Variants in CACNA2D3 observed in about 807,000 individuals in gnomAD.
CACNA2D3 encodes the protein voltage-dependent calcium channel subunit alpha-2/delta-3.
Under a neutral mutation model 160.6 loss-of-function variants are expected in CACNA2D3, and 60 were observed. The ratio of observed to expected loss-of-function variants is 0.37; its 90% CI spans 0.30 to 0.46. The LOEUF (loss-of-function observed/expected upper bound fraction) is 0.46. Among genes scored for constraint, CACNA2D3 ranks in the 20% least tolerant of loss-of-function variants. The pLI is 1.00. For missense variants in CACNA2D3, 1,205 were observed against 1,365.0 expected, an observed-to-expected ratio of 0.88 and a Z score of 1.85; for synonymous variants, 558 against 492.9, an observed-to-expected ratio of 1.13 and a Z score of -1.75.
Position 54,839,674 on chromosome 3 carries a change from A to G in CACNA2D3, c.1551+1026A>G, listed in dbSNP as rs112260407. ...GGCTGCCAGGGGCTTCTTTCTTGGCACCACCCTCCCTGATGTGCTGGGGCC... is the reference window on the plus strand; with the variant it reads ...GGCTGCCAGGGGCTTCTTTCTTGGCGCCACCCTCCCTGATGTGCTGGGGCC... On this transcript the variant is annotated intron_variant, in intron 16 of 37. Coordinates refer to ENST00000474759, the MANE Select transcript of CACNA2D3 (RefSeq NM_018398.3). Among the ~76,000 whole-genome samples the G allele has an allele frequency of 4.4e-3, 663 of 152,152 alleles. 5 individuals carry two copies. Among genetic ancestry groups the G allele is most frequent in the African/African-American group, 0.014 (577 of 41,532 alleles).
At chr3:54,406,992 C>T (rs1559473070) in intron 4 of CACNA2D3, among the ~76,000 whole-genome samples, 1 of 152,128 alleles carries the variant, frequency 6.6e-6, no homozygotes, top group Non-Finnish European at 1.5e-5. Flanking sequence ...GAGCTATCAC[C>T]TACTTCTACA....
intron 2 of CACNA2D3, among the ~76,000 whole-genome samples, chr3:54,163,601 C>A (rs1384914924): frequency 6.6e-6 from 1 of 152,168 alleles, no homozygotes; most frequent in African/African-American, 2.4e-5. Flanking sequence ...GATTAATTCT[C>A]TCACAGGGAG....
chr3:54,198,818 G>A (rs1450977526), intron 2 of CACNA2D3, among the ~76,000 whole-genome samples: 4 of 152,254 alleles, frequency 2.6e-5, no homozygotes, highest in Non-Finnish European at 5.9e-5. Flanking sequence ...GAGTGCACAG[G>A]TCTGGTCGGC....
rs567301751 is a variant in CACNA2D3 at position 54,649,889 on chromosome 3, T to C, written c.1167+7648T>C. Among the ~76,000 whole-genome samples, 5 of 152,356 alleles carry C rather than the reference T, an allele frequency of 3.3e-5. No individual in the cohort carries two copies. The South Asian group carries it at 8.3e-4, about 25-fold the overall frequency. ...AATTAACAACCCTTATTTTGCCTTG[T>C]GTTACACTTTAGGGAGTGAGGATTT... On this transcript the variant is annotated intron_variant, in intron 11 of 37. Transcript: ENST00000474759.
At chr3:54,415,084 C>G (rs1699733779) in intron 4 of CACNA2D3, among the ~76,000 whole-genome samples, 1 of 152,114 alleles carries the variant, frequency 6.6e-6, no homozygotes. Flanking sequence ...TTATGCTAGA[C>G]AAACCCTTCA....
chr3:54,683,167 C>T (rs1212556103), intron 11 of CACNA2D3, among the ~76,000 whole-genome samples: 1 of 152,162 alleles, frequency 6.6e-6, no homozygotes, highest in African/African-American at 2.4e-5. Flanking sequence ...CACTCAGCAT[C>T]ACAGTAGTAA....
intron 2 of CACNA2D3, among the ~76,000 whole-genome samples, chr3:54,176,161 A>T (rs996312907): frequency 1.3e-5 from 2 of 152,146 alleles, no homozygotes; most frequent in Non-Finnish European, 2.9e-5. Context: ...GCCCCAACAC[A>T]CTTTTTCACA....
chr3:55,030,174 C>G (rs111860787), intron 35 of CACNA2D3, among the ~76,000 whole-genome samples: 2 of 152,132 alleles, frequency 1.3e-5, no homozygotes, highest in Non-Finnish European at 2.9e-5. Flanking sequence ...TGTCTCAATT[C>G]TACACAGTCA....
rs563646950 is a variant in CACNA2D3 at position 54,443,267 on chromosome 3, C to T, written c.381+56493C>T. ...ATTCAGGCTAGACCAGGAATTCTTC[C>T]ATACAGCCAGCCATTTGCCTTTTCC... On this transcript the variant is annotated intron_variant, in intron 4 of 37. Transcript: ENST00000474759. Among the ~76,000 whole-genome samples, 4 of 146,798 alleles carry T rather than the reference C, an allele frequency of 2.7e-5. No individual in the cohort carries two copies. The South Asian group carries it at 9.4e-4, about 34-fold the overall frequency.
intron 4 of CACNA2D3, among the ~76,000 whole-genome samples, chr3:54,423,039 TA>T (rs142859737): frequency 6.6e-6 from 1 of 152,300 alleles, no homozygotes; most frequent in Non-Finnish European, 1.5e-5. Flanking sequence ...TTGTTAACTT[TA>T]AAAGGCAGAG....
At chr3:54,189,980 G>C (rs1285485228) in intron 2 of CACNA2D3, among the ~76,000 whole-genome samples, 2 of 152,208 alleles carry the variant, frequency 1.3e-5, no homozygotes, top group Non-Finnish European at 2.9e-5. Context: ...AAATGCCACA[G>C]ACTGAGTAGC....
At chr3:54,200,572 A>G (rs1263974757) in intron 2 of CACNA2D3, among the ~76,000 whole-genome samples, 1 of 152,252 alleles carries the variant, frequency 6.6e-6, no homozygotes. Flanking sequence ...CTGTGGTATC[A>G]GTTCCATCTC....
At chr3:54,456,170 G>A (rs191228916) in intron 4 of CACNA2D3, among the ~76,000 whole-genome samples, 22 of 151,966 alleles carry the variant, frequency 1.4e-4, no homozygotes, top group Admixed American at 1.2e-3. Flanking sequence ...GTAATTCTTC[G>A]GTATATTCAT....
At chr3:54,589,107 C>T (rs1044867550) in intron 9 of CACNA2D3, among the ~76,000 whole-genome samples, 2 of 151,840 alleles carry the variant, frequency 1.3e-5, no homozygotes, top group Admixed American at 6.6e-5. Context: ...AATCAATCTA[C>T]CCAATGTTAA....
At chr3:55,014,488 G>A (rs1183441987) in intron 34 of CACNA2D3, among the ~76,000 whole-genome samples, 1 of 152,146 alleles carries the variant, frequency 6.6e-6, no homozygotes, top group South Asian at 2.1e-4. Flanking sequence ...CCAGCACTTT[G>A]GGAAGCCAAG....
chr3:54,518,688 C>T (rs1253915765), intron 5 of CACNA2D3, among the ~76,000 whole-genome samples: 4 of 152,058 alleles, frequency 2.6e-5, no homozygotes, highest in Non-Finnish European at 5.9e-5. Context: ...CTAAGGAGTT[C>T]GATGAAGGAG....
chr3:54,517,084 G>A (rs1418973040), intron 5 of CACNA2D3, among the ~76,000 whole-genome samples: 1 of 152,204 alleles, frequency 6.6e-6, no homozygotes, highest in African/African-American at 2.4e-5. Flanking sequence ...ACGGATTTGG[G>A]TGGTGGTGAT....
intron 5 of CACNA2D3, among the ~76,000 whole-genome samples, chr3:54,541,068 G>C (rs1271676980): frequency 1.3e-5 from 2 of 151,948 alleles, no homozygotes; most frequent in African/African-American, 2.4e-5. Context: ...ACGAGGTCAG[G>C]ATATTGAGAC....
At chr3:54,195,086 C>T (rs938645516) in intron 2 of CACNA2D3, among the ~76,000 whole-genome samples, 1 of 152,182 alleles carries the variant, frequency 6.6e-6, no homozygotes, top group African/African-American at 2.4e-5. Flanking sequence ...CCTTGAACCT[C>T]GGAGGGCATC....
Sources: gnomAD v4.1 joint callset for allele counts (sites outside exome capture counted in the v4.1 genomes callset) on GRCh38, gnomAD v4.1.1 for gene constraint, MANE v1.5 for transcripts, NCBI Gene and HGNC (gene_info 2026-07-23, HGNC 2026-07-21) for gene names.